Variants in EYA2 observed in about 807,000 individuals in gnomAD.
EYA2 encodes EYA transcriptional coactivator and phosphatase 2.
Under a neutral mutation model 69.2 loss-of-function variants are expected in EYA2, and 31 were observed. That is an observed-to-expected ratio of 0.45 (90% CI 0.34 to 0.60). EYA2 has a LOEUF of 0.60. Ranked by LOEUF, EYA2 falls within the 20% of genes least tolerant of loss-of-function variation. The probability of loss-of-function intolerance (pLI) is 0.02; values close to 1 mark genes in which losing one functional copy is unlikely to be tolerated. For synonymous variants in EYA2, 257 were observed against 279.4 expected, an observed-to-expected ratio of 0.92 and a Z score of 0.80; for missense variants, 622 against 701.2, an observed-to-expected ratio of 0.89 and a Z score of 1.28.
At chr20:47,016,497 C>T (rs1983421989) in intron 5 of EYA2, among the ~76,000 whole-genome samples, 200 bp downstream of exon 5, 7 of 152,090 alleles carry the variant, frequency 4.6e-5, no homozygotes, top group Admixed American at 4.6e-4. Flanking sequence ...ATAAAGTCGG[C>T]AAATAAGCCA....
intron 7 of EYA2, among the ~76,000 whole-genome samples, chr20:47,085,225 T>A (rs2031857151): frequency 6.6e-6 from 1 of 152,062 alleles, no homozygotes; most frequent in Admixed American, 6.6e-5. Context: ...TCTAGACCAA[T>A]GTGTGAATTA....
chr20:47,063,234 G>T (rs1413472929), intron 5 of EYA2, among the ~76,000 whole-genome samples: 3 of 152,008 alleles, frequency 2.0e-5, no homozygotes, highest in Non-Finnish European at 4.4e-5. Context: ...CCATCCCCCA[G>T]CCCTGGCAAT....
At chr20:46,988,553 C>G (rs6090592) in intron 1 of EYA2, among the ~76,000 whole-genome samples, 2 of 152,146 alleles carry the variant, frequency 1.3e-5, no homozygotes, top group Non-Finnish European at 2.9e-5. Context: ...ATGATAACGA[C>G]GTGCTCACAA....
intron 9 of EYA2, among the ~76,000 whole-genome samples, chr20:47,110,380 C>T (rs956667150): frequency 5.3e-5 from 8 of 152,048 alleles, no homozygotes; most frequent in African/African-American, 1.7e-4. Context: ...TAGCTGGGAC[C>T]ACAGACATGC....
At chr20:47,076,493 G>T (rs1423909764) in intron 7 of EYA2, among the ~76,000 whole-genome samples, 1 of 152,122 alleles carries the variant, frequency 6.6e-6, no homozygotes, top group Non-Finnish European at 1.5e-5. Flanking sequence ...TTGGCTGCAT[G>T]TATGTCTTCT....
intron 5 of EYA2, among the ~76,000 whole-genome samples, chr20:47,036,014 A>T (rs2146406027): frequency 6.6e-6 from 1 of 152,248 alleles, no homozygotes; most frequent in African/African-American, 2.4e-5. Context: ...CTATTTCAAA[A>T]GAAAGAAAAA....
intron 8 of EYA2, among the ~76,000 whole-genome samples, chr20:47,091,467 A>G (rs1324345970): frequency 6.6e-6 from 1 of 151,932 alleles, no homozygotes; most frequent in Non-Finnish European, 1.5e-5. Flanking sequence ...GGCCCAGCAC[A>G]GTGGCTCACG....
intron 9 of EYA2, among the ~76,000 whole-genome samples, chr20:47,109,999 A>G (rs2032703952): frequency 6.6e-6 from 1 of 152,068 alleles, no homozygotes; most frequent in Non-Finnish European, 1.5e-5. Flanking sequence ...TTCAGGGAGG[A>G]CACTCAGGCT....
At chr20:47,106,128 T>A (rs2032573037) in intron 9 of EYA2, among the ~76,000 whole-genome samples, 1 of 152,192 alleles carries the variant, frequency 6.6e-6, no homozygotes, top group African/African-American at 2.4e-5. Flanking sequence ...CTGTAGAGCT[T>A]TTATTAACTT....
intron 9 of EYA2, among the ~76,000 whole-genome samples, chr20:47,136,741 CAAAAAAA>C (rs11482117): frequency 1.8e-5 from 2 of 108,166 alleles, no homozygotes; most frequent in African/African-American, 7.7e-5. Context: ...GACCCTGTCT[CAAAAAAA>C]AAAAAAAAAG....
intron 10 of EYA2, among the ~76,000 whole-genome samples, chr20:47,154,644 C>T (rs907894865): frequency 1.3e-5 from 2 of 151,880 alleles, no homozygotes; most frequent in African/African-American, 4.8e-5. Flanking sequence ...GTGCCGCAGA[C>T]AGTGGACTCA....
At chr20:47,176,229 G>T (rs771739156) in intron 12 of EYA2, among the ~76,000 whole-genome samples, 1 of 151,910 alleles carries the variant, frequency 6.6e-6, no homozygotes, top group Non-Finnish European at 1.5e-5. Context: ...ACAGGCACAT[G>T]CCACCATGCC....
At chr20:47,087,784 CCA>C (rs1439013214) in intron 7 of EYA2, among the ~76,000 whole-genome samples, 2 of 152,228 alleles carry the variant, frequency 1.3e-5, no homozygotes, top group African/African-American at 4.8e-5. Flanking sequence ...TCTCACTAAT[CCA>C]CACATATCCA....
chr20:46,928,564 GAA>G (rs1302877044), intron 1 of EYA2, among the ~76,000 whole-genome samples: 3 of 152,210 alleles, frequency 2.0e-5, no homozygotes, highest in Admixed American at 1.3e-4. Flanking sequence ...GTAAATGCCA[GAA>G]ACAGAAGTTG....
At chr20:47,155,832 G>T (rs1416736414) in intron 10 of EYA2, among the ~76,000 whole-genome samples, 1 of 151,160 alleles carries the variant, frequency 6.6e-6, no homozygotes, top group Non-Finnish European at 1.5e-5. Flanking sequence ...TAGAGTTTGA[G>T]ATGAACTAGG....
intron 2 of EYA2, chr20:46,998,315 G>A (rs548204083): frequency 8.5e-5 from 13 of 152,422 alleles, no homozygotes; most frequent in African/African-American, 2.6e-4. Flanking sequence ...TGAAGACCAC[G>A]TTGTCGCTTG....
intron 3 of EYA2, among the ~76,000 whole-genome samples, chr20:47,003,612 A>G (rs944154006): frequency 6.6e-6 from 1 of 152,236 alleles, no homozygotes; most frequent in Non-Finnish European, 1.5e-5. Flanking sequence ...AATTTTAACA[A>G]CAATTTCAAA....
chr20:47,156,134 AT>A, intron 10 of EYA2, among the ~76,000 whole-genome samples: 1 of 5,404 alleles, frequency 1.9e-4, no homozygotes, highest in East Asian at 5.1e-3. Context: ...ACACATATAT[AT>A]ATATATATAT....
chr20:47,015,869 G>A lies in EYA2; in HGVS notation c.299-312G>A, dbSNP rs544889103. On this transcript the variant is annotated intron_variant, in intron 4 of 15. Coordinates refer to ENST00000327619, the MANE Select transcript of EYA2 (RefSeq NM_005244.5). ...AATTGGGAGCCCACAGGGGCAGCTT[G>A]TGGTCACATGGGTTGCAGACATGGT... Among the ~76,000 whole-genome samples the A allele has an allele frequency of 3.3e-5, 5 of 152,358 alleles. No homozygotes were observed. In the East Asian group the frequency reaches 7.7e-4, roughly 23 times the overall value.
Sources: gnomAD v4.1 joint callset for allele counts (sites outside exome capture counted in the v4.1 genomes callset) on GRCh38, gnomAD v4.1.1 for gene constraint, MANE v1.5 for transcripts, NCBI Gene and HGNC (gene_info 2026-07-23, HGNC 2026-07-21) for gene names.